The following VSTM4 variants were observed in gnomAD, a reference collection of about 807,000 sequenced individuals.
VSTM4 encodes V-set and transmembrane domain-containing protein 4.
A neutral mutation model predicts 36.4 loss-of-function variants in VSTM4; 20 were observed. That is an observed-to-expected ratio of 0.55 (90% CI 0.39 to 0.80). The LOEUF is 0.80. Ranked by LOEUF, VSTM4 falls within the 30% of genes least tolerant of loss-of-function variation. The pLI is 0.00. For missense variants in VSTM4, 392 were observed against 404.5 expected, an observed-to-expected ratio of 0.97 and a Z score of 0.26; for synonymous variants, 182 against 173.9, an observed-to-expected ratio of 1.05 and a Z score of -0.37.
intron 7 of VSTM4, among the ~76,000 whole-genome samples, chr10:49,024,914 A>G (rs1402520471): frequency 6.6e-6 from 1 of 151,254 alleles, no homozygotes; most frequent in Non-Finnish European, 1.5e-5. Context: ...AACTCCTAAG[A>G]CCTCAGAATG....
chr10:49,069,110 G>A (rs949299223), intron 4 of VSTM4, among the ~76,000 whole-genome samples: 3 of 151,902 alleles, frequency 2.0e-5, no homozygotes, highest in Non-Finnish European at 2.9e-5. Flanking sequence ...TGTCCAGCCT[G>A]AAGGCTCTGT....
chr10:49,097,832 T>C (rs1163799166), intron 2 of VSTM4, among the ~76,000 whole-genome samples: 1 of 152,250 alleles, frequency 6.6e-6, no homozygotes, highest in East Asian at 1.9e-4. Flanking sequence ...CAAGAACAAG[T>C]TGTCTGCATC....
In VSTM4 at chr10:49,093,989, C is replaced by T. The variant is rs148012623; in HGVS notation, c.458-7966G>A. Reference sequence around the variant, plus strand: ...GTCTTGATCTCCTGACCTCGCGATCCACCCACCTCGGCCTCCCAAAGTGCT... The same window carrying T: ...GTCTTGATCTCCTGACCTCGCGATCTACCCACCTCGGCCTCCCAAAGTGCT... On this transcript the variant is annotated intron_variant, in intron 2 of 7. Transcript: ENST00000332853. Among the ~76,000 whole-genome samples, 1,204 of 152,132 alleles carry T rather than the reference C, an allele frequency of 7.9e-3. 36 individuals carry two copies. Among genetic ancestry groups the T allele is most frequent in the South Asian group, 0.05 (241 of 4,822 alleles).
At chr10:49,026,233 A>G (rs1339103281) in intron 7 of VSTM4, among the ~76,000 whole-genome samples, 1 of 152,212 alleles carries the variant, frequency 6.6e-6, no homozygotes, top group Non-Finnish European at 1.5e-5. Context: ...TGCCGCCTCA[A>G]TGAACCACTG....
chr10:49,085,129 T>G (rs558609503), intron 3 of VSTM4, among the ~76,000 whole-genome samples: 23 of 152,354 alleles, frequency 1.5e-4, no homozygotes, highest in Admixed American at 8.5e-4. Flanking sequence ...TTGGGCACCA[T>G]CCCTAGAATT....
chr10:49,059,971 ATT>A (rs1398646174), intron 5 of VSTM4, among the ~76,000 whole-genome samples: 1 of 152,124 alleles, frequency 6.6e-6, no homozygotes, highest in Non-Finnish European at 1.5e-5. Flanking sequence ...ATGATATGTA[ATT>A]TTTTGTATCT....
chr10:49,075,004 G>A (rs1844148499), intron 4 of VSTM4, among the ~76,000 whole-genome samples: 1 of 152,220 alleles, frequency 6.6e-6, no homozygotes, highest in African/African-American at 2.4e-5. Context: ...GCACATGGAG[G>A]GGCCATATGA....
intron 2 of VSTM4, among the ~76,000 whole-genome samples, chr10:49,096,780 G>T (rs1298153647): frequency 6.6e-6 from 1 of 151,864 alleles, no homozygotes; most frequent in African/African-American, 2.4e-5. Flanking sequence ...TCAGCCTGCC[G>T]AGTAGCTGGG....
intron 2 of VSTM4, chr10:49,103,671 A>G: frequency 1.3e-6 from 2 of 1,581,956 alleles, no homozygotes; most frequent in Non-Finnish European, 1.7e-6. Context: ...TGACAGGGAA[A>G]TGAGGAGAGA....
intron 5 of VSTM4, among the ~76,000 whole-genome samples, chr10:49,061,606 G>T (rs1843878751): frequency 6.6e-6 from 1 of 152,078 alleles, no homozygotes; most frequent in Non-Finnish European, 1.5e-5. Context: ...TCTTTCTGAT[G>T]GATTGAGCCT....
chr10:49,108,198 A>G (rs1008006946), intron 1 of VSTM4, among the ~76,000 whole-genome samples: 37 of 152,182 alleles, frequency 2.4e-4, no homozygotes, highest in Non-Finnish European at 1.0e-4. Flanking sequence ...TGTCTCATCT[A>G]TGGGACCACC....
intron 7 of VSTM4, among the ~76,000 whole-genome samples, chr10:49,021,256 T>C (rs970336423): frequency 1.3e-5 from 2 of 151,984 alleles, no homozygotes; most frequent in African/African-American, 4.8e-5. Context: ...TAATTCCAAA[T>C]GAATTAAAAA....
chr10:49,035,818 A>G (rs766204249), intron 7 of VSTM4, among the ~76,000 whole-genome samples: 2 of 152,192 alleles, frequency 1.3e-5, no homozygotes, highest in Non-Finnish European at 2.9e-5. Context: ...CCTGGGCAAT[A>G]GAGCAAGACT....
intron 3 of VSTM4, among the ~76,000 whole-genome samples, chr10:49,081,637 G>A (rs1361791563): frequency 6.6e-6 from 1 of 152,196 alleles, no homozygotes; most frequent in Non-Finnish European, 1.5e-5. Flanking sequence ...CCTCAACATG[G>A]CTCAAAGGGG....
chr10:49,056,445 C>T (rs1027218144), intron 5 of VSTM4, among the ~76,000 whole-genome samples: 1 of 152,228 alleles, frequency 6.6e-6, no homozygotes, highest in Non-Finnish European at 1.5e-5. Flanking sequence ...GTGGGAGACC[C>T]CACTCCCTGT....
At chr10:49,105,845 A>G (rs1469330702) in intron 2 of VSTM4, among the ~76,000 whole-genome samples, 8 of 151,698 alleles carry the variant, frequency 5.3e-5, no homozygotes, top group Non-Finnish European at 7.4e-5. Context: ...GTGTGTGTAT[A>G]TATATATATA....
intron 3 of VSTM4, among the ~76,000 whole-genome samples, chr10:49,080,884 TAG>T (rs1394078434): frequency 6.6e-6 from 1 of 152,210 alleles, no homozygotes; most frequent in African/African-American, 2.4e-5. Flanking sequence ...AGTTCTCACA[TAG>T]CTAAAAATCA....
chr10:49,105,584 A>T (rs1320175479), intron 2 of VSTM4, among the ~76,000 whole-genome samples: 1 of 152,122 alleles, frequency 6.6e-6, no homozygotes, highest in Non-Finnish European at 1.5e-5. Context: ...GAGGTGTTAA[A>T]AACTACCTCA....
In VSTM4 at chr10:49,115,500, C is replaced by T. The variant is rs973734915; in HGVS notation, c.-15G>A. On this transcript the variant is annotated 5_prime_UTR_variant, in exon 1 of 8. Coordinates refer to ENST00000332853, the MANE Select transcript of VSTM4 (RefSeq NM_001031746.5). ...AGCAGCCGCATCTCCCCGCCGCCGC[C>T]CGGCGCTGTGACGCGGGAGAGCGCC... 3.5e-5 allele frequency: 35 copies of T among 992,570 alleles called. No individual in the cohort carries two copies. In the African/African-American group the frequency reaches 4.8e-4, roughly 13 times the overall value. 61.5% of individuals were successfully genotyped at this position (992,570 alleles called of 1,614,324 possible).
Sources: allele counts gnomAD v4.1 joint callset (sites outside exome capture counted in the v4.1 genomes callset), GRCh38; gene constraint gnomAD v4.1.1; transcripts MANE v1.5; gene names NCBI Gene and HGNC (gene_info 2026-07-23, HGNC 2026-07-21).